ATP6V1C1: variants seen among roughly 807,000 people sequenced by gnomAD.
ATP6V1C1 encodes the protein V-type proton ATPase subunit C 1.
A neutral mutation model predicts 53.9 loss-of-function variants in ATP6V1C1; 45 were observed. The observed-to-expected ratio is 0.83, with a 90% CI of 0.66 to 1.07. ATP6V1C1 has a LOEUF of 1.07. Among genes scored for constraint, ATP6V1C1 ranks in the 50% least tolerant of loss-of-function variants. The probability of loss-of-function intolerance (pLI) is 0.00; values close to 1 mark genes in which losing one functional copy is unlikely to be tolerated. For missense variants in ATP6V1C1, 315 were observed against 440.3 expected, an observed-to-expected ratio of 0.72 and a Z score of 2.55; for synonymous variants, 153 against 155.2, an observed-to-expected ratio of 0.99 and a Z score of 0.11.
At position 103,048,965 on chromosome 8, in the gene ATP6V1C1, T is replaced by A; in HGVS notation, c.286+10T>A. On this transcript the variant is annotated intron_variant, in intron 4 of 12. Coordinates refer to ENST00000518738, the MANE Select transcript of ATP6V1C1 (RefSeq NM_001695.5). ...CTGTTGGCTAATGGAGGTAAGCTAA[T>A]GCTCATGATTGATCATTATTAACTC... 1 of 1,607,206 alleles carries A rather than the reference T, an allele frequency of 6.2e-7. No homozygotes were observed. The highest frequency in any genetic ancestry group is 8.5e-7 in the Non-Finnish European group (1 of 1,174,748).
At chr8:103,068,558 G>A (rs924759960) in intron 12 of ATP6V1C1, 94 bp from the exon 13 acceptor site, 51 of 873,774 alleles carry the variant, frequency 5.8e-5, no homozygotes, top group Non-Finnish European at 7.8e-5. Context: ...TTAGCCCAGA[G>A]TAGATGTTCA....
At chr8:103,035,697 G>C (rs572751503) in intron 1 of ATP6V1C1, among the ~76,000 whole-genome samples, 1 of 152,258 alleles carries the variant, frequency 6.6e-6, no homozygotes, top group South Asian at 2.1e-4. Context: ...ACAGCTGGGT[G>C]AAAAGATGTG....
intron 3 of ATP6V1C1, among the ~76,000 whole-genome samples, chr8:103,042,728 A>G (rs528820127): frequency 6.6e-6 from 1 of 152,284 alleles, no homozygotes; most frequent in Non-Finnish European, 1.5e-5. Context: ...ATCAGTTTTA[A>G]ATATTTCATC....
At chr8:103,041,506 A>G (rs890081081) in intron 2 of ATP6V1C1, among the ~76,000 whole-genome samples, 46 of 151,692 alleles carry the variant, frequency 3.0e-4, no homozygotes, top group African/African-American at 9.4e-4. Context: ...GGAAAAGATC[A>G]TGATACTGAC....
intron 1 of ATP6V1C1, among the ~76,000 whole-genome samples, chr8:103,030,174 T>G (rs1816772541): frequency 6.6e-6 from 1 of 152,106 alleles, no homozygotes; most frequent in Admixed American, 6.6e-5. Flanking sequence ...AAAATGAACA[T>G]TTTTCCTTGT....
At position 103,071,776 on chromosome 8, in the gene ATP6V1C1, C is replaced by G. The variant is rs888246099; in HGVS notation, c.*3029C>G. The G allele has an allele frequency of 1.3e-5, 2 of 152,350 alleles. No individual in the cohort carries two copies. Among genetic ancestry groups the G allele is most frequent in the Non-Finnish European group, 2.9e-5 (2 of 68,170 alleles). The allele number at this position is 152,350 out of a possible 1,614,324, so 9.4% of individuals were successfully genotyped here. On this transcript the variant is annotated 3_prime_UTR_variant, in exon 13 of 13. Coordinates refer to ENST00000518738, the MANE Select transcript of ATP6V1C1 (RefSeq NM_001695.5). Reference sequence around the variant, plus strand: ...GGCCTACAGGTGCGTGCTACCACGCCTGGCCAATTTTTTAAATTTTAGCAC... The same window carrying G: ...GGCCTACAGGTGCGTGCTACCACGCGTGGCCAATTTTTTAAATTTTAGCAC...
intron 12 of ATP6V1C1, 106 bp downstream of exon 12, chr8:103,066,553 ATTT>A: frequency 8.0e-7 from 1 of 1,248,572 alleles, no homozygotes; most frequent in Non-Finnish European, 1.1e-6. Context: ...AAACTTAATC[ATTT>A]TTTATTACTT....
At chr8:103,051,754 T>A (rs2131395964) in intron 5 of ATP6V1C1, among the ~76,000 whole-genome samples, 1 of 152,202 alleles carries the variant, frequency 6.6e-6, no homozygotes, top group South Asian at 2.1e-4. Context: ...GAAAAAAAAG[T>A]CTTTTTCCCC....
rs1224844597 is a variant in ATP6V1C1 at position 103,046,473 on chromosome 8, A to G, written c.201-2397A>G. ...GCGATCCTCCCACCTCAGCCTCCCA[A>G]AATGCTGAGATTTCAGGCATGAGTC... is the stretch of plus-strand genomic sequence containing the variant. On this transcript the variant is annotated intron_variant, in intron 3 of 12. Transcript: ENST00000518738. Among the ~76,000 whole-genome samples, 3 of 152,108 alleles carry G rather than the reference A, an allele frequency of 2.0e-5. No individual in the cohort carries two copies. The East Asian group carries it at 5.8e-4, about 29-fold the overall frequency.
chr8:103,067,581 A>G (rs1375472467), intron 12 of ATP6V1C1, among the ~76,000 whole-genome samples: 1 of 149,338 alleles, frequency 6.7e-6, no homozygotes, highest in East Asian at 1.9e-4. Context: ...ATGACTTGCT[A>G]CACTTTTTTT....
At chr8:103,061,324 G>T (rs1324405304) in intron 8 of ATP6V1C1, among the ~76,000 whole-genome samples, 1 of 152,198 alleles carries the variant, frequency 6.6e-6, no homozygotes. Flanking sequence ...GCTGGCTGAC[G>T]AGGAGTAGGG....
In ATP6V1C1 at chr8:103,042,989, G is replaced by A. The variant is rs1057331334; in HGVS notation, c.200+582G>A. Among the ~76,000 whole-genome samples, 5 of 151,958 alleles carry A rather than the reference G, an allele frequency of 3.3e-5. 1 individual carries two copies. The highest frequency in any genetic ancestry group is 4.1e-4 in the South Asian group (2 of 4,832). ...GTATACATATATATCACATTAATCCGTTCATCAGTTGATGGGCGTTTATTT... is the reference window on the plus strand; with the variant it reads ...GTATACATATATATCACATTAATCCATTCATCAGTTGATGGGCGTTTATTT... On this transcript the variant is annotated intron_variant, in intron 3 of 12. Transcript: ENST00000518738.
chr8:103,042,781 A>C (rs1586315459), intron 3 of ATP6V1C1, among the ~76,000 whole-genome samples: 1 of 152,120 alleles, frequency 6.6e-6, no homozygotes, highest in Non-Finnish European at 1.5e-5. Flanking sequence ...TACCGTCCCC[A>C]CCACCCACAA....
At chr8:103,027,115 C>A (rs75929393) in intron 1 of ATP6V1C1, among the ~76,000 whole-genome samples, 6 of 152,248 alleles carry the variant, frequency 3.9e-5, no homozygotes, top group African/African-American at 1.4e-4. Context: ...TCGCACAGAT[C>A]AATTCTGTTA....
At chr8:103,026,337 G>A (rs1190341378) in intron 1 of ATP6V1C1, among the ~76,000 whole-genome samples, 1 of 152,084 alleles carries the variant, frequency 6.6e-6, no homozygotes, top group East Asian at 1.9e-4. Flanking sequence ...TTGCTTTCTA[G>A]GCAAATGTGG....
intron 3 of ATP6V1C1, among the ~76,000 whole-genome samples, chr8:103,044,027 T>G (rs574817176): frequency 6.0e-4 from 91 of 152,274 alleles, no homozygotes; most frequent in African/African-American, 2.1e-3. Context: ...TAGCTGAGAT[T>G]ACAGGTCCCT....
chr8:103,055,162 A>G (rs1461148497), intron 7 of ATP6V1C1, among the ~76,000 whole-genome samples: 1 of 152,182 alleles, frequency 6.6e-6, no homozygotes, highest in Admixed American at 6.6e-5. Context: ...ACTTTTGCCC[A>G]GATGAAATAT....
chr8:103,060,617 T>G (rs938439945), intron 8 of ATP6V1C1, among the ~76,000 whole-genome samples: 24 of 152,244 alleles, frequency 1.6e-4, no homozygotes, highest in Non-Finnish European at 3.5e-4. Flanking sequence ...TCAGTACATG[T>G]TAAATGACTA....
rs546475923 is a variant in ATP6V1C1, at chr8:103,047,430, G to GCACACACACACACA, written c.201-1419_201-1406dup. ...TTAAAAAAAAAAAAAAAATGCGCGC[G>GCACACACACACACA]CACACACACACACACACACACACAC... On this transcript the variant is annotated intron_variant, in intron 3 of 12. Coordinates refer to ENST00000518738, the MANE Select transcript of ATP6V1C1 (RefSeq NM_001695.5). 2.1e-4 allele frequency among the ~76,000 whole-genome samples: 22 copies of GCACACACACACACA among 104,946 alleles called. 1 individual carries two copies. Among genetic ancestry groups the GCACACACACACACA allele is most frequent in the Admixed American group, 1.6e-3 (14 of 8,952 alleles). 68.8% of individuals were successfully genotyped at this position (104,946 alleles called of 152,430 possible).
Sources: gnomAD v4.1 joint callset for allele counts (sites outside exome capture counted in the v4.1 genomes callset) on GRCh38, gnomAD v4.1.1 for gene constraint, MANE v1.5 for transcripts, NCBI Gene and HGNC (gene_info 2026-07-23, HGNC 2026-07-21) for gene names.